Variants in GARS1 observed in about 807,000 individuals in gnomAD.
GARS1 encodes glycine--tRNA ligase.
GARS1 carries 46 observed loss-of-function variants against 86.4 expected under a neutral mutation model. The ratio of observed to expected loss-of-function variants is 0.53; its 90% CI spans 0.42 to 0.68. GARS1 has a LOEUF of 0.68. GARS1 is among the 30% of genes least tolerant of loss of function. The pLI is 0.00. For missense variants in GARS1, 797 were observed against 915.6 expected (o/e 0.87, Z 1.67); for synonymous variants, 342 against 329.8 (o/e 1.04, Z -0.40).
At chr7:30,630,096 G>T (rs1245590722) in intron 14 of GARS1, among the ~76,000 whole-genome samples, 2 of 152,146 alleles carry the variant, frequency 1.3e-5, no homozygotes, top group Non-Finnish European at 2.9e-5. Flanking sequence ...TAAATTATTA[G>T]CACCTAGTTC....
At chr7:30,603,854 A>G (rs957500725) in intron 6 of GARS1, among the ~76,000 whole-genome samples, 1 of 152,244 alleles carries the variant, frequency 6.6e-6, no homozygotes, top group African/African-American at 2.4e-5. Flanking sequence ...CTAAAACCAC[A>G]GGAGTGACTG....
intron 14 of GARS1, 25 bp from the exon 15 acceptor site, chr7:30,631,423 A>G: frequency 1.3e-6 from 2 of 1,564,260 alleles, no homozygotes; most frequent in Non-Finnish European, 1.8e-6. Flanking sequence ...ACATATTTGG[A>G]TTTTTTTCTT....
intron 1 of GARS1, among the ~76,000 whole-genome samples, chr7:30,595,672 T>A (rs1028645200): frequency 6.6e-6 from 1 of 152,222 alleles, no homozygotes; most frequent in Non-Finnish European, 1.5e-5. Flanking sequence ...GTTTCCCCCT[T>A]AACATCTTCC....
chr7:30,610,703 T>G (rs1791581707), intron 7 of GARS1, among the ~76,000 whole-genome samples: 1 of 152,184 alleles, frequency 6.6e-6, no homozygotes. Context: ...TCTAAGGAAA[T>G]AATTCAGAAG....
In GARS1 at chr7:30,598,690, G is replaced by A. The variant is rs1020864039; in HGVS notation, c.223-106G>A. The A allele has an allele frequency of 2.4e-5, 22 of 915,192 alleles. No homozygotes were observed. In the African/African-American group the frequency reaches 2.8e-4, roughly 12 times the overall value. The allele number at this position is 915,192 out of a possible 1,614,324, so 56.7% of individuals were successfully genotyped here. A position where few individuals can be genotyped will look rare whatever the true frequency, so the allele number is the denominator to read the frequency against. ...TGAGCCACCACGCTTGGCCTGAATT[G>A]CATCATTCTTACATAGACTTTTTAA... On this transcript the variant is annotated intron_variant, in intron 1 of 16. Coordinates refer to ENST00000389266, the MANE Select transcript of GARS1 (RefSeq NM_002047.4).
chr7:30,595,265 A>C, intron 1 of GARS1, 122 bp downstream of exon 1: 6 of 971,472 alleles, frequency 6.2e-6, no homozygotes, highest in Non-Finnish European at 9.4e-6. Context: ...CTTTCCCTTC[A>C]TCCTCTGGCG....
intron 6 of GARS1, among the ~76,000 whole-genome samples, chr7:30,607,809 C>T (rs1357512078): frequency 3.3e-5 from 5 of 152,076 alleles, no homozygotes; most frequent in African/African-American, 1.2e-4. Context: ...CTTTACCTTC[C>T]GTCCTTCTGC....
At chr7:30,616,099 C>T in intron 9 of GARS1, 41 bp downstream of exon 9, 2 of 1,607,334 alleles carry the variant, frequency 1.2e-6, no homozygotes, top group Non-Finnish European at 1.7e-6. Context: ...TGTGCCTGTT[C>T]AGGGTTTGCA....
At chr7:30,619,341 G>T (rs1232716340) in intron 10 of GARS1, among the ~76,000 whole-genome samples, 1 of 152,150 alleles carries the variant, frequency 6.6e-6, no homozygotes. Flanking sequence ...CTTAAGGAGA[G>T]GGGAGAACTC....
chr7:30,596,007 G>T, intron 1 of GARS1: 1 of 412,212 alleles, frequency 2.4e-6, no homozygotes, highest in Admixed American at 3.1e-5. Flanking sequence ...CACTGCCATA[G>T]AGTTTAGAAT....
chr7:30,594,906 C>T lies in GARS1; in HGVS notation c.-16C>T, dbSNP rs1335116702. The T allele has an allele frequency of 1.9e-6, 3 of 1,548,390 alleles. No homozygotes were observed. Among genetic ancestry groups the T allele is most frequent in the East Asian group, 2.4e-5 (1 of 42,066 alleles). ...TCCGTCGCCACCCTCTCTGGACAGCCCAGGGCCGCAGGCTCATGCCCTCTC... is the reference window on the plus strand; with the variant it reads ...TCCGTCGCCACCCTCTCTGGACAGCTCAGGGCCGCAGGCTCATGCCCTCTC... On this transcript the variant is annotated 5_prime_UTR_variant, in exon 1 of 17. Coordinates refer to ENST00000389266, the MANE Select transcript of GARS1 (RefSeq NM_002047.4).
chr7:30,625,236 G>C (rs775282265), intron 12 of GARS1, among the ~76,000 whole-genome samples: 8 of 152,142 alleles, frequency 5.3e-5, no homozygotes, highest in Non-Finnish European at 1.2e-4. Flanking sequence ...GAGCCACCTC[G>C]CCTGACCCAA....
At chr7:30,631,685 A>G in intron 15 of GARS1, 144 bp downstream of exon 15, 1 of 671,920 alleles carries the variant, frequency 1.5e-6, no homozygotes, top group East Asian at 3.0e-5. Context: ...TTTAGCCTGT[A>G]CTCTTATTTC....
chr7:30,625,996 T>C (rs1191034925), intron 12 of GARS1, among the ~76,000 whole-genome samples: 2 of 152,254 alleles, frequency 1.3e-5, no homozygotes, highest in African/African-American at 2.4e-5. Flanking sequence ...TGTGGAGTTT[T>C]ATAAAACTAG....
At chr7:30,631,402 T>C (rs891150835) in intron 14 of GARS1, 46 bp from the exon 15 acceptor site, 12 of 1,440,258 alleles carry the variant, frequency 8.3e-6, no homozygotes, top group African/African-American at 1.4e-5. Context: ...CATTTAGATA[T>C]TTACAAATTA....
upstream of GARS1, chr7:30,594,740 C>T (rs1209975512): frequency 3.3e-6 from 2 of 603,024 alleles, no homozygotes; most frequent in Non-Finnish European, 2.9e-6. Context: ...AAACCTTCGG[C>T]GGGGTCCTTC....
Position 30,626,629 on chromosome 7 carries a change from G to A in GARS1, c.1699+310G>A, listed in dbSNP as rs567589129. Among the ~76,000 whole-genome samples, 5 of 152,328 alleles carry A rather than the reference G, an allele frequency of 3.3e-5. No homozygotes were observed. In the South Asian group the frequency reaches 1.0e-3, roughly 32 times the overall value. ...GCGTCCCAAAGTGCTGAGATTACAG[G>A]CATGAGTGACCACGCCTGGCCCTCA... On this transcript the variant is annotated intron_variant, in intron 13 of 16. Coordinates refer to ENST00000389266, the MANE Select transcript of GARS1 (RefSeq NM_002047.4).
intron 14 of GARS1, among the ~76,000 whole-genome samples, chr7:30,630,202 T>C (rs11982890): frequency 0.042 from 6,462 of 152,276 alleles, 449 homozygotes; most frequent in African/African-American, 0.15. Flanking sequence ...TACTCTCTTA[T>C]ATTAAATAGA....
chr7:30,632,053 G>T lies in GARS1; in HGVS notation c.1904-194G>T. 1 of 618,312 alleles carries T rather than the reference G, an allele frequency of 1.6e-6. No individual in the cohort carries two copies. The highest frequency in any genetic ancestry group is 1.8e-5 in the South Asian group (1 of 54,408). The allele number at this position is 618,312 out of a possible 1,614,324, so 38.3% of individuals were successfully genotyped here. ...CCCCCTATAGCTGTATCAGATGGAG[G>T]TATGAGTGAAGATTTGGATTCCCGC... On this transcript the variant is annotated intron_variant, in intron 15 of 16. Transcript: ENST00000389266. This position sits in a 1 kb window ranked among gnomAD's most constrained non-coding sequence, Gnocchi z 4.1.
Sources: allele counts gnomAD v4.1 joint callset (sites outside exome capture counted in the v4.1 genomes callset), GRCh38; gene constraint gnomAD v4.1.1; non-coding constraint Gnocchi (gnomAD v3.1); transcripts MANE v1.5; gene names NCBI Gene and HGNC (gene_info 2026-07-23, HGNC 2026-07-21).